Variants in AK9 observed in about 807,000 individuals in gnomAD.
AK9 encodes adenylate kinase domain containing 1.
AK9 carries 191 observed loss-of-function variants against 239.6 expected under a neutral mutation model. The observed-to-expected ratio is 0.80, with a 90% CI of 0.71 to 0.90. AK9 has a LOEUF of 0.90. Ranked by LOEUF, AK9 falls within the 40% of genes least tolerant of loss-of-function variation. The probability of loss-of-function intolerance (pLI) is 0.00; values close to 1 mark genes in which losing one functional copy is unlikely to be tolerated. For synonymous variants in AK9, 689 were observed against 721.0 expected, an observed-to-expected ratio of 0.96 and a Z score of 0.71; for missense variants, 1,995 against 2,214.7, an observed-to-expected ratio of 0.90 and a Z score of 1.99.
chr6:109,542,151 TG>T lies in AK9; in HGVS notation c.3245del (p.Thr1082LysfsTer6). On this transcript the variant is annotated frameshift_variant, in exon 27 of 41. Transcript: ENST00000424296. LOFTEE classifies it high-confidence loss of function. ...TKKQLPEVQL[T>X]EEEEVIKSSL... is the part of the protein sequence containing the mutation. ...TTGATTTGATTACTTCTTCTTCTTCTGTAAGTTGTACTTCTGGAAGCTAAAA... is the reference window on the plus strand; with the variant it reads ...TTGATTTGATTACTTCTTCTTCTTCTTAAGTTGTACTTCTGGAAGCTAAAA... The T allele has an allele frequency of 6.3e-7, 1 of 1,598,288 alleles. No homozygotes were observed. The highest frequency in any genetic ancestry group is 1.3e-5 in the African/African-American group (1 of 74,092).
chr6:109,528,822 C>CAGCCTTGAAAAGCTG, intron 29 of AK9, 189 bp downstream of exon 29: 42 of 1,000,870 alleles, frequency 4.2e-5, no homozygotes, highest in Non-Finnish European at 4.9e-5. Flanking sequence ...ACAAGAGTGT[C>CAGCCTTGAAAAGCTG]TTAAGCCAGA....
At chr6:109,521,575 G>A (rs374896640) in intron 29 of AK9, among the ~76,000 whole-genome samples, 3 of 151,994 alleles carry the variant, frequency 2.0e-5, no homozygotes, top group East Asian at 3.8e-4. Flanking sequence ...AGTATTTGGT[G>A]CTTCATGTAG....
chr6:109,514,488 A>C (rs1457546959), intron 31 of AK9, 51 bp from the exon 32 acceptor site: 10 of 1,413,130 alleles, frequency 7.1e-6, no homozygotes, highest in Non-Finnish European at 8.6e-6. Flanking sequence ...TTTTTACAGC[A>C]CTTCCCTGAA....
intron 5 of AK9, among the ~76,000 whole-genome samples, chr6:109,667,683 G>A (rs1801423749): frequency 6.6e-6 from 1 of 152,088 alleles, no homozygotes; most frequent in African/African-American, 2.4e-5. Flanking sequence ...ATAGTTTGCT[G>A]AGAATGATGG....
At chr6:109,521,408 ATC>A (rs1284245377) in intron 29 of AK9, among the ~76,000 whole-genome samples, 3 of 152,014 alleles carry the variant, frequency 2.0e-5, no homozygotes, top group African/African-American at 2.4e-5. Context: ...TTATCTCCAA[ATC>A]TCTGTTTTAT....
At position 109,641,550 on chromosome 6, in the gene AK9, CA is replaced by C; in HGVS notation, c.900del (p.Ala301GlnfsTer41). ...ATTGTGTCATTAATTTCTTCCTCTGCACCCTGAAGTTTGGTTAGAATAGCTG... is the reference window on the plus strand; with the variant it reads ...ATTGTGTCATTAATTTCTTCCTCTGCCCCTGAAGTTTGGTTAGAATAGCTG... The part of the protein sequence containing the change: ...KRAAILTKLQ[G>X]AEEEINDTME... On this transcript the variant is annotated frameshift_variant, in exon 10 of 41. Coordinates refer to ENST00000424296, the MANE Select transcript of AK9 (RefSeq NM_001145128.3). LOFTEE classifies it high-confidence loss of function. 2 of 1,613,484 alleles carry C rather than the reference CA, an allele frequency of 1.2e-6. No individual in the cohort carries two copies. Among genetic ancestry groups the C allele is most frequent in the South Asian group, 2.2e-5 (2 of 91,068 alleles).
Position 109,560,278 on chromosome 6 carries a change from T to C in AK9, c.2751+3319A>G, listed in dbSNP as rs891794346. 3.9e-5 allele frequency among the ~76,000 whole-genome samples: 6 copies of C among 152,216 alleles called. No homozygotes were observed. The South Asian group carries it at 1.0e-3, about 26-fold the overall frequency. ...CTGAATGCCTTTTATTTCTTTTCCT[T>C]GTCTGAATGCAGTAACCAAACCTTC... On this transcript the variant is annotated intron_variant, in intron 24 of 40. Coordinates refer to ENST00000424296, the MANE Select transcript of AK9 (RefSeq NM_001145128.3).
Position 109,495,343 on chromosome 6 carries a change from C to G in AK9, c.5413G>C (p.Glu1805Gln). Residue 1805 changes from glutamate to glutamine, a missense_variant, in exon 39 of 41, where the codon GAA becomes CAA. Around this residue, in one of 5 missense-constraint regions of AK9, gnomAD observed 391 missense variants for 456.0 expected, o/e 0.86. Transcript: ENST00000424296. ...LTSLPLPGYLEQGIATSLIKA... is the reference protein window; with the variant it reads ...LTSLPLPGYLQQGIATSLIKA... The stretch of plus-strand genomic sequence containing the variant: ...AGAAAATTAAGTAAAAGAACCTGTT[C>G]CAGATATCCAGGCAAAGGAAGACTA... 6.2e-7 allele frequency: 1 copy of G among 1,609,130 alleles called. No homozygotes were observed. The highest frequency in any genetic ancestry group is 8.5e-7 in the Non-Finnish European group (1 of 1,176,652).
At chr6:109,668,829 C>T (rs369213719) in intron 5 of AK9, among the ~76,000 whole-genome samples, 2 of 91,678 alleles carry the variant, frequency 2.2e-5, no homozygotes, top group African/African-American at 6.0e-5. Context: ...AGTCAGGTAG[C>T]GTGACGCCTC....
chr6:109,629,014 G>A (rs1181943015), intron 12 of AK9, among the ~76,000 whole-genome samples: 2 of 152,042 alleles, frequency 1.3e-5, no homozygotes, highest in African/African-American at 4.8e-5. Context: ...TCTAATTGCT[G>A]CATAACAAAG....
intron 3 of AK9, 71 bp from the exon 4 acceptor site, chr6:109,672,238 G>A: frequency 7.9e-7 from 1 of 1,266,334 alleles, no homozygotes; most frequent in East Asian, 2.4e-5. Context: ...ACATTCTAGT[G>A]TCTTGTAACT....
chr6:109,608,067 G>T (rs964152375), intron 17 of AK9, among the ~76,000 whole-genome samples: 2 of 151,894 alleles, frequency 1.3e-5, no homozygotes, highest in African/African-American at 4.8e-5. Context: ...CTTGAGGTCA[G>T]GAGTTCTAGG....
Position 109,563,678 on chromosome 6 carries a change from C to A in AK9, c.2670G>T (p.Gly890=), listed in dbSNP as rs1055380577. The A allele has an allele frequency of 1.3e-6, 2 of 1,550,564 alleles. No individual in the cohort carries two copies. Among genetic ancestry groups the A allele is most frequent in the African/African-American group, 2.7e-5 (2 of 72,994 alleles). The change falls in exon 24 of 41, where the codon GGG becomes GGT. Residue 890 remains glycine, a synonymous_variant. Transcript: ENST00000424296. ...PFQYTAWELT[G]EDYEEETEDY... is the part of the protein sequence containing the mutation. ...CTTCTGTTTCTTCCTCATAATCTTC[C>A]CCAGTTAACTCCCATGCAGTATATT...
rs1554230922 is a variant in AK9, at chr6:109,497,362, A to ACACACACTCT, written c.5315+102_5315+103insAGAGTGTGTG. The ACACACACTCT allele has an allele frequency of 8.9e-4, 447 of 500,344 alleles. 2 individuals carry two copies. In the African/African-American group the frequency reaches 9.5e-3, roughly 11 times the overall value. 31.0% of individuals were successfully genotyped at this position (500,344 alleles called of 1,614,324 possible). A position where few individuals can be genotyped will look rare whatever the true frequency, so the allele number is the denominator to read the frequency against. Reference sequence around the variant, plus strand: ...CACACACACACACACACACACACACACTCTCTCTCTCTCTCTCTCTCTCAC... The same window carrying ACACACACTCT: ...CACACACACACACACACACACACACACACACACTCTCTCTCTCTCTCTCTCTCTCTCTCAC... On this transcript the variant is annotated intron_variant, in intron 38 of 40. Transcript: ENST00000424296.
intron 29 of AK9, among the ~76,000 whole-genome samples, chr6:109,522,244 T>G (rs1003895471): frequency 6.6e-6 from 1 of 152,108 alleles, no homozygotes; most frequent in Non-Finnish European, 1.5e-5. Flanking sequence ...TTCATAAGGA[T>G]GTGTCTAATG....
chr6:109,672,086 T>C (rs1770997160), intron 4 of AK9, 29 bp downstream of exon 4: 1 of 1,613,052 alleles, frequency 6.2e-7, no homozygotes, highest in East Asian at 2.2e-5. Context: ...TTTGTAATCA[T>C]AGTTACTTTG....
At chr6:109,567,527 A>G (rs1334767217) in intron 21 of AK9, among the ~76,000 whole-genome samples, 1 of 151,972 alleles carries the variant, frequency 6.6e-6, no homozygotes, top group African/African-American at 2.4e-5. Context: ...ACCATTCCTT[A>G]TGAAACTATT....
chr6:109,509,475 G>T, intron 32 of AK9, 95 bp from the exon 33 acceptor site: 1 of 1,106,550 alleles, frequency 9.0e-7, no homozygotes, highest in Non-Finnish European at 1.3e-6. Context: ...GTGATGCTCA[G>T]GTTTGGGCTT....
intron 26 of AK9, 112 bp downstream of exon 26, chr6:109,545,755 A>T: frequency 7.5e-7 from 1 of 1,334,730 alleles, no homozygotes; most frequent in Non-Finnish European, 1.0e-6. Flanking sequence ...GTGAGCTGTG[A>T]TTGTGCCACT....
Sources: allele counts gnomAD v4.1 joint callset (sites outside exome capture counted in the v4.1 genomes callset), GRCh38; gene constraint gnomAD v4.1.1; regional missense constraint gnomAD v4.1.1; transcripts MANE v1.5; gene names NCBI Gene and HGNC (gene_info 2026-07-23, HGNC 2026-07-21).